The following MLLT10 variants were observed in gnomAD, a reference collection of about 807,000 sequenced individuals.
MLLT10 encodes the protein MLLT10 histone lysine methyltransferase DOT1L cofactor.
Under a neutral mutation model 129.1 loss-of-function variants are expected in MLLT10, and 30 were observed. The observed-to-expected ratio is 0.23, with a 90% CI of 0.17 to 0.32. MLLT10 has a LOEUF of 0.32. MLLT10 is among the 10% of genes least tolerant of loss of function. MLLT10 has a pLI of 1.00. For synonymous variants in MLLT10, 490 were observed against 446.4 expected, an observed-to-expected ratio of 1.10 and a Z score of -1.23; for missense variants, 1,119 against 1,268.3, an observed-to-expected ratio of 0.88 and a Z score of 1.79.
chr10:21,732,225 T>C (rs148188510), intron 17 of MLLT10, among the ~76,000 whole-genome samples: 5 of 152,216 alleles, frequency 3.3e-5, no homozygotes, highest in Admixed American at 6.5e-5. Context: ...CAACACTCTG[T>C]GTTGTTAGCT....
intron 14 of MLLT10, among the ~76,000 whole-genome samples, chr10:21,717,610 C>CT (rs2056737766): frequency 7.5e-6 from 1 of 133,262 alleles, no homozygotes; most frequent in African/African-American, 2.8e-5. Context: ...TCTTCCTCTT[C>CT]TTCCTCCTCT....
chr10:21,622,858 T>A (rs1256913727), intron 8 of MLLT10, among the ~76,000 whole-genome samples: 2 of 152,218 alleles, frequency 1.3e-5, no homozygotes. Flanking sequence ...CAGAGGCCAG[T>A]TGCAAGTCCC....
intron 21 of MLLT10, among the ~76,000 whole-genome samples, chr10:21,736,257 C>T (rs536430680): frequency 2.0e-5 from 3 of 152,182 alleles, no homozygotes; most frequent in East Asian, 3.9e-4. Context: ...GTATGGGCTA[C>T]GTATTGAAAA....
At chr10:21,728,022 G>A in intron 16 of MLLT10, 94 bp downstream of exon 16, 1 of 923,914 alleles carries the variant, frequency 1.1e-6, no homozygotes, top group Non-Finnish European at 1.7e-6. Flanking sequence ...ACATTTGTGA[G>A]GCTATAAAAG....
At chr10:21,585,989 G>A (rs530459223) in intron 3 of MLLT10, among the ~76,000 whole-genome samples, 4 of 152,244 alleles carry the variant, frequency 2.6e-5, no homozygotes, top group African/African-American at 9.6e-5. Flanking sequence ...TCGAACTCCC[G>A]ACCTCAGCTA....
chr10:21,722,248 A>AT (rs2057186663), intron 14 of MLLT10, among the ~76,000 whole-genome samples: 1 of 152,192 alleles, frequency 6.6e-6, no homozygotes, highest in African/African-American at 2.4e-5. Context: ...GTACCAGCAG[A>AT]TCCAAGGAGA....
intron 9 of MLLT10, among the ~76,000 whole-genome samples, chr10:21,658,634 ACATGGTAGGTGTGGCTCAC>A (rs1347909639): frequency 2.0e-5 from 3 of 152,196 alleles, no homozygotes; most frequent in Non-Finnish European, 2.9e-5. Flanking sequence ...TGGTTGGGCC[ACATGGTAGGTGTGGCTCAC>A]CATGGTAGGT....
chr10:21,710,894 C>T (rs556197884), intron 13 of MLLT10, among the ~76,000 whole-genome samples: 1 of 152,342 alleles, frequency 6.6e-6, no homozygotes, highest in Admixed American at 6.5e-5. Context: ...ACACTGCTTT[C>T]AGTTGCTGTT....
At position 21,739,895 on chromosome 10, in the gene MLLT10, T is replaced by C. The variant is rs187113960; in HGVS notation, c.2956-135T>C. On this transcript the variant is annotated intron_variant, in intron 21 of 22. Coordinates refer to ENST00000307729, the MANE Select transcript of MLLT10 (RefSeq NM_001195626.3). ...GATGGTTATTATCTAGTGCAGCATA[T>C]TTTTCTAGATGAGATACTTGTTTTC... 71 of 702,074 alleles carry C rather than the reference T, an allele frequency of 1.0e-4. 1 individual carries two copies. The Admixed American group carries it at 1.5e-3, about 14-fold the overall frequency. The allele number at this position is 702,074 out of a possible 1,614,324, so 43.5% of individuals were successfully genotyped here. A position where few individuals can be genotyped will look rare whatever the true frequency, so the allele number is the denominator to read the frequency against.
At chr10:21,672,133 A>T (rs1208553300) in intron 10 of MLLT10, among the ~76,000 whole-genome samples, 1 of 151,562 alleles carries the variant, frequency 6.6e-6, no homozygotes, top group Non-Finnish European at 1.5e-5. Flanking sequence ...TTGAAGTTTA[A>T]CAGGTTAACA....
At chr10:21,611,032 T>G (rs1247812980) in intron 5 of MLLT10, among the ~76,000 whole-genome samples, 1 of 148,658 alleles carries the variant, frequency 6.7e-6, no homozygotes, top group African/African-American at 2.5e-5. Context: ...GTTTCTCTCT[T>G]GTTGCCCAGC....
Position 21,724,096 on chromosome 10 carries a change from T to G in MLLT10, c.1879-2148T>G, listed in dbSNP as rs187712517. On this transcript the variant is annotated intron_variant, in intron 14 of 22. Coordinates refer to ENST00000307729, the MANE Select transcript of MLLT10 (RefSeq NM_001195626.3). ...CTTCATGTTGAAGTTATAACTTACC[T>G]TTTCCCGAGGGACAGTTGATTGTTA... Among the ~76,000 whole-genome samples, 15 of 152,334 alleles carry G rather than the reference T, an allele frequency of 9.8e-5. 1 individual carries two copies. Among genetic ancestry groups the G allele is most frequent in the Admixed American group, 9.8e-4 (15 of 15,306 alleles).
At position 21,534,434 on chromosome 10, in the gene MLLT10, G is replaced by T; in HGVS notation, c.-87G>T. The T allele has an allele frequency of 1.0e-5, 5 of 487,434 alleles. No homozygotes were observed. In the South Asian group the frequency reaches 1.7e-4, roughly 17 times the overall value. 30.2% of individuals were successfully genotyped at this position (487,434 alleles called of 1,614,324 possible). A position where few individuals can be genotyped will look rare whatever the true frequency, so the allele number is the denominator to read the frequency against. On this transcript the variant is annotated 5_prime_UTR_variant, in exon 1 of 23. It adds an upstream start codon to the 5' untranslated region. Coordinates refer to ENST00000307729, the MANE Select transcript of MLLT10 (RefSeq NM_001195626.3). ...CTGAGGAGGAGGAGGAGGCGGAGGA[G>T]GCGGTGGAGGGGAGGTGGGGGGAAT...
chr10:21,663,988 G>A (rs1055668358), intron 9 of MLLT10, among the ~76,000 whole-genome samples: 3 of 152,236 alleles, frequency 2.0e-5, no homozygotes, highest in African/African-American at 7.2e-5. Context: ...TATGCTCAAC[G>A]AGAAACCAGA....
chr10:21,675,252 G>T (rs1335000082), intron 11 of MLLT10, among the ~76,000 whole-genome samples: 1 of 152,208 alleles, frequency 6.6e-6, no homozygotes, highest in Non-Finnish European at 1.5e-5. Context: ...TGGTTCTAGA[G>T]CAGGATTTAT....
chr10:21,741,322 TA>T (rs1833578278), intron 22 of MLLT10, among the ~76,000 whole-genome samples: 1 of 152,182 alleles, frequency 6.6e-6, no homozygotes, highest in Non-Finnish European at 1.5e-5. Context: ...AGAAATGCAC[TA>T]ATTACAAACT....
chr10:21,655,723 A>G (rs1417025390), intron 9 of MLLT10, among the ~76,000 whole-genome samples: 1 of 152,156 alleles, frequency 6.6e-6, no homozygotes, highest in East Asian at 1.9e-4. Context: ...TTGAGGAATG[A>G]GGAAACCTAC....
At chr10:21,551,738 T>C in intron 3 of MLLT10, 1 of 395,560 alleles carries the variant, frequency 2.5e-6, no homozygotes, top group Non-Finnish European at 4.8e-6. Context: ...CTGTTTATTC[T>C]GTTTTTGTGT....
chr10:21,693,386 A>AC (rs2054062857), intron 13 of MLLT10, among the ~76,000 whole-genome samples: 1 of 151,374 alleles, frequency 6.6e-6, no homozygotes, highest in Non-Finnish European at 1.5e-5. Context: ...GAAAAAAAAA[A>AC]CCTTATTTTA....
Sources: allele counts gnomAD v4.1 joint callset (sites outside exome capture counted in the v4.1 genomes callset), GRCh38; gene constraint gnomAD v4.1.1; transcripts MANE v1.5; gene names NCBI Gene and HGNC (gene_info 2026-07-23, HGNC 2026-07-21).